Variants in BAZ2B observed in about 807,000 individuals in gnomAD.
BAZ2B encodes the protein bromodomain adjacent to zinc finger domain protein 2B.
In BAZ2B, 91 loss-of-function variants were observed where a neutral mutation model predicts 246.0. The observed-to-expected ratio is 0.37, with a 90% CI of 0.31 to 0.44. The LOEUF is 0.44. Ranked by LOEUF, BAZ2B falls within the 20% of genes least tolerant of loss-of-function variation. The pLI is 1.00. For missense variants in BAZ2B, 2,332 were observed against 2,533.7 expected (o/e 0.92, Z 1.71); for synonymous variants, 855 against 860.0 (o/e 0.99, Z 0.10).
chr2:159,573,975 C>T (rs1684627150), intron 1 of BAZ2B, among the ~76,000 whole-genome samples: 1 of 152,038 alleles, frequency 6.6e-6, no homozygotes, highest in Non-Finnish European at 1.5e-5. Context: ...TTGGCATGTG[C>T]CCATAGTCCC....
At chr2:159,578,875 A>G (rs902672165) in intron 1 of BAZ2B, among the ~76,000 whole-genome samples, 1 of 152,188 alleles carries the variant, frequency 6.6e-6, no homozygotes, top group Non-Finnish European at 1.5e-5. Flanking sequence ...TTTGAAACCA[A>G]TGAGAACAAA....
intron 1 of BAZ2B, among the ~76,000 whole-genome samples, chr2:159,581,778 T>C (rs1158243642): frequency 2.6e-5 from 4 of 151,926 alleles, no homozygotes; most frequent in African/African-American, 7.3e-5. Context: ...TGTAGGGATA[T>C]GGATGAAGCT....
intron 2 of BAZ2B, among the ~76,000 whole-genome samples, chr2:159,488,443 G>A (rs181308903): frequency 6.6e-6 from 1 of 152,220 alleles, no homozygotes; most frequent in East Asian, 1.9e-4. Flanking sequence ...TTACCCTGAT[G>A]TGATTATAAT....
chr2:159,419,471 A>G (rs2068345729), intron 13 of BAZ2B, among the ~76,000 whole-genome samples: 1 of 152,186 alleles, frequency 6.6e-6, no homozygotes, highest in African/African-American at 2.4e-5. Flanking sequence ...TGAAAGGGTG[A>G]TAGATTATCA....
At chr2:159,440,515 T>TG (rs370559945) in intron 6 of BAZ2B, among the ~76,000 whole-genome samples, 12,604 of 78,626 alleles carry the variant, frequency 0.16, 915 homozygotes, top group Middle Eastern at 0.33. Context: ...GCAATGACTC[T>TG]TGTTTTTTTT....
intron 17 of BAZ2B, among the ~76,000 whole-genome samples, chr2:159,399,171 A>C (rs34066625): frequency 0.33 from 49,674 of 152,130 alleles, 10,103 homozygotes; most frequent in Non-Finnish European, 0.47. Flanking sequence ...GAAATAATTG[A>C]GTGTTTATGT....
chr2:159,362,393 C>T (rs1380109359), intron 27 of BAZ2B, among the ~76,000 whole-genome samples: 1 of 152,190 alleles, frequency 6.6e-6, no homozygotes, highest in Non-Finnish European at 1.5e-5. Flanking sequence ...GTGCTTTCTA[C>T]TCTTTCTCAC....
the BAZ2B span, among the ~76,000 whole-genome samples, chr2:159,661,307 A>G: frequency 2.0e-5 from 3 of 152,214 alleles, no homozygotes; most frequent in South Asian, 4.1e-4. Context: ...ATTCCATTGT[A>G]TGGATATACT....
chr2:159,638,598 A>C, the BAZ2B span, among the ~76,000 whole-genome samples: 1 of 152,236 alleles, frequency 6.6e-6, no homozygotes. Flanking sequence ...TTGAAAATGC[A>C]ATTGACATGC....
chr2:159,710,801 A>C, the BAZ2B span: 1 of 152,230 alleles, frequency 6.6e-6, no homozygotes, highest in Admixed American at 6.6e-5. Flanking sequence ...GGAGTTCTGT[A>C]GAGTAGTTAC....
chr2:159,653,288 T>C, the BAZ2B span, among the ~76,000 whole-genome samples: 1 of 152,168 alleles, frequency 6.6e-6, no homozygotes, highest in African/African-American at 2.4e-5. Context: ...TTATTAAAAA[T>C]TCTGTAAGAA....
intron 2 of BAZ2B, among the ~76,000 whole-genome samples, chr2:159,533,057 T>G (rs1344210828): frequency 6.6e-6 from 1 of 152,120 alleles, no homozygotes; most frequent in Non-Finnish European, 1.5e-5. Context: ...GAAAGTAAAT[T>G]AATATGGCAA....
At chr2:159,682,348 T>C in the BAZ2B span, among the ~76,000 whole-genome samples, 1 of 151,926 alleles carries the variant, frequency 6.6e-6, no homozygotes, top group Admixed American at 6.6e-5. Context: ...GCCCAGCTAA[T>C]TTTTGTATTT....
chr2:159,473,691 G>A (rs1456299290), intron 3 of BAZ2B, among the ~76,000 whole-genome samples: 1 of 152,048 alleles, frequency 6.6e-6, no homozygotes, highest in Non-Finnish European at 1.5e-5. Flanking sequence ...TTCTTTTGTG[G>A]GCATTTAGTG....
At chr2:159,575,077 G>C (rs558349644) in intron 1 of BAZ2B, among the ~76,000 whole-genome samples, 11 of 152,274 alleles carry the variant, frequency 7.2e-5, no homozygotes, top group Non-Finnish European at 1.6e-4. Context: ...ACAGAAGCCA[G>C]TCACAAAAAA....
chr2:159,658,496 GCTAA>G, the BAZ2B span, among the ~76,000 whole-genome samples: 1 of 151,902 alleles, frequency 6.6e-6, no homozygotes, highest in African/African-American at 2.4e-5. Flanking sequence ...ACCATGCCCA[GCTAA>G]ATTTTATTTT....
intron 2 of BAZ2B, among the ~76,000 whole-genome samples, chr2:159,545,321 G>C (rs2087181939): frequency 6.6e-6 from 1 of 152,120 alleles, no homozygotes; most frequent in Non-Finnish European, 1.5e-5. Flanking sequence ...TCCTTGCTTA[G>C]TTCTACCCTG....
the BAZ2B span, among the ~76,000 whole-genome samples, chr2:159,678,083 C>G: frequency 6.6e-6 from 1 of 152,120 alleles, no homozygotes; most frequent in Non-Finnish European, 1.5e-5. Context: ...ATGGCAGAGA[C>G]TATGTGAAGC....
At chr2:159,436,206 T>C (rs1454665580) in intron 8 of BAZ2B, among the ~76,000 whole-genome samples, 1 of 152,178 alleles carries the variant, frequency 6.6e-6, no homozygotes, top group Non-Finnish European at 1.5e-5. Context: ...TAAAGGGCCA[T>C]GAAAACAAAA....
Sources: gnomAD v4.1 joint callset for allele counts (sites outside exome capture counted in the v4.1 genomes callset) on GRCh38, gnomAD v4.1.1 for gene constraint, MANE v1.5 for transcripts, NCBI Gene and HGNC (gene_info 2026-07-23, HGNC 2026-07-21) for gene names.